ZBTB20: variants seen among roughly 807,000 people sequenced by gnomAD.
ZBTB20 encodes zinc finger and BTB domain-containing protein 20.
In ZBTB20, 9 loss-of-function variants were observed where a neutral mutation model predicts 56.9. That is an observed-to-expected ratio of 0.16 (90% confidence interval 0.10 to 0.28). ZBTB20 has a LOEUF of 0.28. Ranked by LOEUF, ZBTB20 falls within the 10% of genes least tolerant of loss-of-function variation. The pLI is 1.00. For missense variants in ZBTB20, 655 were observed against 1,003.0 expected, an observed-to-expected ratio of 0.65 and a Z score of 4.69; for synonymous variants, 417 against 420.7, an observed-to-expected ratio of 0.99 and a Z score of 0.11.
At chr3:114,691,173 TATG>T in intron 6 of ZBTB20, among the ~76,000 whole-genome samples, 1 of 152,104 alleles carries the variant, frequency 6.6e-6, no homozygotes, top group Non-Finnish European at 1.5e-5. Flanking sequence ...TGTTAGAAAA[TATG>T]ATGTCAGGAT....
At chr3:114,526,166 G>A (rs970778116) in intron 6 of ZBTB20, among the ~76,000 whole-genome samples, 1 of 151,976 alleles carries the variant, frequency 6.6e-6, no homozygotes, top group African/African-American at 2.4e-5. Flanking sequence ...TCAGTCACTC[G>A]ATTTGCCCTT....
intron 6 of ZBTB20, among the ~76,000 whole-genome samples, chr3:114,674,383 TC>T (rs2061517033): frequency 6.6e-6 from 1 of 152,174 alleles, no homozygotes; most frequent in African/African-American, 2.4e-5. Flanking sequence ...GTTTTATAGC[TC>T]ATACAAAATA....
intron 10 of ZBTB20, among the ~76,000 whole-genome samples, chr3:114,369,784 A>G (rs1410833915): frequency 2.0e-5 from 3 of 152,234 alleles, no homozygotes; most frequent in Admixed American, 6.5e-5. Flanking sequence ...AATTGGGCAT[A>G]TCATGAAAGA....
intron 2 of ZBTB20, among the ~76,000 whole-genome samples, chr3:115,046,811 C>G (rs1407958212): frequency 6.6e-6 from 1 of 152,080 alleles, no homozygotes. Context: ...CATCACAGCT[C>G]AGGAAATAAT....
chr3:114,354,707 G>C (rs544028140), intron 10 of ZBTB20, among the ~76,000 whole-genome samples: 1 of 151,150 alleles, frequency 6.6e-6, no homozygotes, highest in South Asian at 2.1e-4. Context: ...TCAGCCTCTC[G>C]AGTAGCTGGG....
At chr3:115,135,130 C>T (rs1227712129) in intron 1 of ZBTB20, among the ~76,000 whole-genome samples, 2 of 152,212 alleles carry the variant, frequency 1.3e-5, no homozygotes, top group Non-Finnish European at 2.9e-5. Flanking sequence ...GACTCCAGCA[C>T]CATTCTCCAG....
intron 4 of ZBTB20, among the ~76,000 whole-genome samples, chr3:114,858,824 T>G (rs1180246453): frequency 6.6e-6 from 1 of 152,186 alleles, no homozygotes; most frequent in African/African-American, 2.4e-5. Context: ...CATTTTTTAG[T>G]GGAATCTACT....
intron 3 of ZBTB20, among the ~76,000 whole-genome samples, chr3:114,925,968 T>C (rs142545927): frequency 6.8e-4 from 103 of 152,348 alleles, no homozygotes; most frequent in African/African-American, 2.3e-3. Flanking sequence ...GCTAATCTCA[T>C]ATTGAAAAAT....
chr3:114,332,065 T>G lies in ZBTB20; in HGVS notation c.*6940A>C, dbSNP rs1250434729. On this transcript the variant is annotated 3_prime_UTR_variant, in exon 12 of 12. Transcript: ENST00000675478. ...GAAACAGATGCCCCCAAGGTTTTTTTTTTTTTTTTTTTTTTTTTCTCTCTT... is the reference window on the plus strand; with the variant it reads ...GAAACAGATGCCCCCAAGGTTTTTTGTTTTTTTTTTTTTTTTTTCTCTCTT... 6.8e-6 allele frequency: 1 copy of G among 147,856 alleles called. No homozygotes were observed. Among genetic ancestry groups the G allele is most frequent in the Non-Finnish European group, 1.5e-5 (1 of 66,904 alleles). 9.2% of individuals were successfully genotyped at this position (147,856 alleles called of 1,614,324 possible).
intron 7 of ZBTB20, among the ~76,000 whole-genome samples, chr3:114,428,568 C>A (rs2089890029): frequency 6.6e-6 from 1 of 152,146 alleles, no homozygotes; most frequent in Non-Finnish European, 1.5e-5. Flanking sequence ...GCTGCCCCCA[C>A]CATGTTGAGT....
At chr3:114,890,859 C>T (rs1051463979) in intron 4 of ZBTB20, among the ~76,000 whole-genome samples, 2 of 152,106 alleles carry the variant, frequency 1.3e-5, no homozygotes, top group African/African-American at 4.8e-5. Context: ...TTTATTTACA[C>T]CTGAGGTCTA....
intron 5 of ZBTB20, among the ~76,000 whole-genome samples, chr3:114,774,576 C>A (rs1347057877): frequency 6.6e-6 from 1 of 152,122 alleles, no homozygotes; most frequent in Non-Finnish European, 1.5e-5. Flanking sequence ...CTTTGAGGCT[C>A]ATTTATAGCA....
intron 4 of ZBTB20, among the ~76,000 whole-genome samples, chr3:114,804,335 A>G (rs1257991479): frequency 6.6e-6 from 1 of 151,922 alleles, no homozygotes; most frequent in Non-Finnish European, 1.5e-5. Flanking sequence ...AAATCCTCAC[A>G]CAGAAGGAGT....
chr3:114,667,018 G>C (rs1034212533), intron 6 of ZBTB20, among the ~76,000 whole-genome samples: 1 of 152,000 alleles, frequency 6.6e-6, no homozygotes, highest in Non-Finnish European at 1.5e-5. Context: ...ATGTGTAAAA[G>C]CGTAAAATGA....
intron 6 of ZBTB20, among the ~76,000 whole-genome samples, chr3:114,564,152 C>T (rs2052435578): frequency 6.6e-6 from 1 of 152,262 alleles, no homozygotes; most frequent in African/African-American, 2.4e-5. Context: ...CTGCTTCCAT[C>T]ACCACATCTC....
intron 7 of ZBTB20, among the ~76,000 whole-genome samples, chr3:114,489,489 A>G (rs1017978025): frequency 6.6e-6 from 1 of 152,196 alleles, no homozygotes; most frequent in African/African-American, 2.4e-5. Context: ...CTATTTATAA[A>G]GAGTTTTTAA....
At chr3:114,570,616 C>T (rs1240825004) in intron 6 of ZBTB20, among the ~76,000 whole-genome samples, 2 of 152,046 alleles carry the variant, frequency 1.3e-5, no homozygotes, top group Non-Finnish European at 2.9e-5. Flanking sequence ...GGCTCCATAA[C>T]CATTTCTTGG....
chr3:114,887,706 G>A (rs1335229481), intron 4 of ZBTB20, among the ~76,000 whole-genome samples: 1 of 152,148 alleles, frequency 6.6e-6, no homozygotes, highest in East Asian at 1.9e-4. Flanking sequence ...CTAGCCTCCA[G>A]AACTGTGAGA....
intron 6 of ZBTB20, among the ~76,000 whole-genome samples, chr3:114,544,409 CTTT>C (rs2049487651): frequency 0.014 from 71 of 5,128 alleles, no homozygotes; most frequent in Middle Eastern, 0.5. Flanking sequence ...TAGATTTCTT[CTTT>C]CTTTCTTTCT....
Sources: gnomAD v4.1 joint callset for allele counts (sites outside exome capture counted in the v4.1 genomes callset) on GRCh38, gnomAD v4.1.1 for gene constraint, MANE v1.5 for transcripts, NCBI Gene and HGNC (gene_info 2026-07-23, HGNC 2026-07-21) for gene names.